Variants in GALNTL6 observed in about 807,000 individuals in gnomAD.
GALNTL6 encodes the protein polypeptide N-acetylgalactosaminyltransferase like 6.
A neutral mutation model predicts 73.7 loss-of-function variants in GALNTL6; 46 were observed. The observed-to-expected ratio is 0.62, with a 90% confidence interval of 0.49 to 0.80. The LOEUF (loss-of-function observed/expected upper bound fraction) is 0.80, where lower values mean the gene tolerates loss of function less well. Among genes scored for constraint, GALNTL6 ranks in the 30% least tolerant of loss-of-function variants. GALNTL6 has a pLI of 0.00. For synonymous variants in GALNTL6, 259 were observed against 263.7 expected (o/e 0.98, Z 0.17); for missense variants, 604 against 755.0 (o/e 0.80, Z 2.34).
At chr4:172,529,868 TTTATTTATTTA>T (rs1347775552) in intron 5 of GALNTL6, among the ~76,000 whole-genome samples, 3 of 4,882 alleles carry the variant, frequency 6.1e-4, no homozygotes, top group South Asian at 5.5e-3. Flanking sequence ...TTTTATTTTA[TTTATTTATTTA>T]TTTATTTATT....
chr4:172,722,521 T>C (rs1735540406), intron 5 of GALNTL6, among the ~76,000 whole-genome samples: 1 of 152,160 alleles, frequency 6.6e-6, no homozygotes, highest in African/African-American at 2.4e-5. Context: ...TCTCTTTCTC[T>C]ACCTCCCTCT....
At chr4:172,335,684 G>T (rs1004409939) in intron 4 of GALNTL6, among the ~76,000 whole-genome samples, 3 of 152,122 alleles carry the variant, frequency 2.0e-5, no homozygotes, top group African/African-American at 7.2e-5. Flanking sequence ...GAGCTTGTAT[G>T]TTTCCATGGA....
intron 5 of GALNTL6, among the ~76,000 whole-genome samples, chr4:172,648,666 G>C (rs1740348306): frequency 2.0e-5 from 3 of 152,138 alleles, no homozygotes; most frequent in Admixed American, 6.6e-5. Context: ...TGAGTCATCA[G>C]GAAGCCAGGT....
intron 3 of GALNTL6, among the ~76,000 whole-genome samples, chr4:172,299,629 A>C (rs995379824): frequency 4.6e-5 from 7 of 152,186 alleles, no homozygotes; most frequent in Non-Finnish European, 7.3e-5. Context: ...TTATGTACCC[A>C]GTGGTCATTC....
At chr4:172,734,088 G>A (rs745793199) in intron 5 of GALNTL6, among the ~76,000 whole-genome samples, 4 of 152,174 alleles carry the variant, frequency 2.6e-5, no homozygotes, top group Non-Finnish European at 5.9e-5. Context: ...CTGGAGTAAA[G>A]GTCACTCTTG....
intron 2 of GALNTL6, among the ~76,000 whole-genome samples, chr4:171,880,473 A>C (rs1736416992): frequency 6.6e-6 from 1 of 152,218 alleles, no homozygotes; most frequent in Non-Finnish European, 1.5e-5. Flanking sequence ...TTGGGAAGAA[A>C]GGCTGTTAAT....
At chr4:172,797,799 A>G (rs1193680963) in intron 5 of GALNTL6, among the ~76,000 whole-genome samples, 1 of 152,100 alleles carries the variant, frequency 6.6e-6, no homozygotes, top group Non-Finnish European at 1.5e-5. Context: ...TCGACCTCCC[A>G]AAGTGCTGAG....
intron 2 of GALNTL6, among the ~76,000 whole-genome samples, chr4:172,073,158 T>C (rs1209391154): frequency 6.6e-6 from 1 of 152,196 alleles, no homozygotes; most frequent in East Asian, 1.9e-4. Context: ...TTTAGGTTTA[T>C]ACTTAAATAT....
intron 2 of GALNTL6, among the ~76,000 whole-genome samples, chr4:172,049,016 C>A (rs545513628): frequency 6.6e-6 from 1 of 152,164 alleles, no homozygotes; most frequent in South Asian, 2.1e-4. Context: ...CCAGCAGTAA[C>A]GCAATTTGTT....
chr4:172,632,254 G>C (rs1175036261), intron 5 of GALNTL6, among the ~76,000 whole-genome samples: 1 of 152,230 alleles, frequency 6.6e-6, no homozygotes, highest in Admixed American at 6.5e-5. Flanking sequence ...AGCCACTTTG[G>C]AACTGGGTAA....
chr4:172,526,976 C>T (rs188536539), intron 5 of GALNTL6, among the ~76,000 whole-genome samples: 6 of 151,986 alleles, frequency 3.9e-5, no homozygotes, highest in Admixed American at 3.9e-4. Flanking sequence ...AATGATGGCC[C>T]CTGGATGATA....
intron 2 of GALNTL6, among the ~76,000 whole-genome samples, chr4:172,156,525 T>A (rs1486218772): frequency 9.4e-6 from 1 of 105,858 alleles, no homozygotes; most frequent in Non-Finnish European, 1.9e-5. Context: ...TGACTTTAAA[T>A]ATACATATAT....
At chr4:172,882,378 A>C (rs1041532095) in intron 7 of GALNTL6, among the ~76,000 whole-genome samples, 1 of 152,210 alleles carries the variant, frequency 6.6e-6, no homozygotes, top group African/African-American at 2.4e-5. Flanking sequence ...TATTGTCTAC[A>C]AAAGCATTTT....
At chr4:171,911,138 C>T (rs1737464619) in intron 2 of GALNTL6, among the ~76,000 whole-genome samples, 1 of 152,202 alleles carries the variant, frequency 6.6e-6, no homozygotes, top group East Asian at 1.9e-4. Context: ...ATATATCACA[C>T]CACCTGTATC....
chr4:172,105,135 T>C (rs1183676092), intron 2 of GALNTL6, among the ~76,000 whole-genome samples: 1 of 152,116 alleles, frequency 6.6e-6, no homozygotes, highest in Admixed American at 6.5e-5. Flanking sequence ...GTCAGATCAT[T>C]ATTAAACAGA....
intron 5 of GALNTL6, among the ~76,000 whole-genome samples, chr4:172,561,466 A>T (rs1040020281): frequency 1.3e-5 from 2 of 151,914 alleles, no homozygotes; most frequent in Admixed American, 1.3e-4. Context: ...CTCAACCAAC[A>T]TTTCTTAGGC....
At chr4:172,404,204 G>T (rs1400980633) in intron 5 of GALNTL6, among the ~76,000 whole-genome samples, 4 of 151,904 alleles carry the variant, frequency 2.6e-5, no homozygotes, top group African/African-American at 9.7e-5. Flanking sequence ...TTAACTGAAT[G>T]TCTTGTATTT....
chr4:172,775,984 G>T (rs539075056), intron 5 of GALNTL6, among the ~76,000 whole-genome samples: 68 of 152,246 alleles, frequency 4.5e-4, no homozygotes, highest in African/African-American at 1.6e-3. Flanking sequence ...CCTGAGTGAG[G>T]TAGGGAGGAG....
At chr4:172,795,146 GGA>G (rs1451611327) in intron 5 of GALNTL6, among the ~76,000 whole-genome samples, 2 of 152,168 alleles carry the variant, frequency 1.3e-5, no homozygotes, top group African/African-American at 2.4e-5. Context: ...TTGCTTTCTA[GGA>G]GAGAGAGATT....
Sources: gnomAD v4.1 joint callset for allele counts (sites outside exome capture counted in the v4.1 genomes callset) on GRCh38, gnomAD v4.1.1 for gene constraint, MANE v1.5 for transcripts, NCBI Gene and HGNC (gene_info 2026-07-23, HGNC 2026-07-21) for gene names.